PTPRD: variants seen among roughly 807,000 people sequenced by gnomAD.
The protein encoded by PTPRD is protein tyrosine phosphatase receptor type D.
A neutral mutation model predicts 214.5 loss-of-function variants in PTPRD; 34 were observed. The ratio of observed to expected loss-of-function variants is 0.16; its 90% CI spans 0.12 to 0.21. The LOEUF (loss-of-function observed/expected upper bound fraction) is 0.21, where lower values mean the gene tolerates loss of function less well. Among genes scored for constraint, PTPRD ranks in the 10% least tolerant of loss-of-function variants. The pLI, the probability that PTPRD is intolerant of heterozygous loss-of-function variation, is 1.00. For missense variants in PTPRD, 2,545 were observed against 2,398.7 expected (o/e 1.06, Z -1.27); for synonymous variants, 1,128 against 845.7 (o/e 1.33, Z -5.79).
At chr9:9,166,574 A>C (rs866768121) in intron 10 of PTPRD, among the ~76,000 whole-genome samples, 11 of 152,162 alleles carry the variant, frequency 7.2e-5, no homozygotes, top group South Asian at 2.1e-4. Flanking sequence ...AGATGCCATT[A>C]ACATTCTCTA....
At chr9:8,624,190 G>A (rs934057086) in intron 14 of PTPRD, among the ~76,000 whole-genome samples, 35 of 151,870 alleles carry the variant, frequency 2.3e-4, no homozygotes, top group Admixed American at 1.6e-3. Context: ...GTGTGTTAAC[G>A]TAACAATAAG....
At chr9:8,753,029 T>C (rs577777980) in intron 11 of PTPRD, among the ~76,000 whole-genome samples, 49 of 152,344 alleles carry the variant, frequency 3.2e-4, no homozygotes, top group African/African-American at 1.1e-3. Context: ...CTCAGGTAGG[T>C]AACTTGGCTT....
At chr9:10,381,176 T>TAATC (rs1565666644) in intron 2 of PTPRD, among the ~76,000 whole-genome samples, 9 of 151,970 alleles carry the variant, frequency 5.9e-5, no homozygotes, top group African/African-American at 1.9e-4. Context: ...CATGGACGAT[T>TAATC]ACTCACTATC....
intron 9 of PTPRD, among the ~76,000 whole-genome samples, chr9:9,208,242 C>T (rs1460205788): frequency 6.6e-6 from 1 of 151,590 alleles, no homozygotes; most frequent in African/African-American, 2.4e-5. Flanking sequence ...TCTCGATCTC[C>T]TGACCTTCTG....
intron 11 of PTPRD, among the ~76,000 whole-genome samples, chr9:8,767,284 AT>A (rs2094830198): frequency 6.6e-6 from 1 of 151,878 alleles, no homozygotes; most frequent in African/African-American, 2.4e-5. Context: ...CAACCAGCTA[AT>A]TTTTGTATTT....
At chr9:10,105,398 T>C (rs1591315710) in intron 3 of PTPRD, among the ~76,000 whole-genome samples, 1 of 151,904 alleles carries the variant, frequency 6.6e-6, no homozygotes, top group Non-Finnish European at 1.5e-5. Context: ...GTAGAAAAGC[T>C]ACATTTAGAG....
intron 10 of PTPRD, among the ~76,000 whole-genome samples, chr9:9,057,488 CACTATGACAAAAATGAAG>C (rs1200638405): frequency 1.3e-5 from 2 of 151,944 alleles, no homozygotes; most frequent in African/African-American, 2.4e-5. Flanking sequence ...ATTTAGATTC[CACTATGACAAAAATGAAG>C]CCTGAAATTT....
At chr9:10,214,038 A>G (rs2099529301) in intron 3 of PTPRD, among the ~76,000 whole-genome samples, 1 of 152,084 alleles carries the variant, frequency 6.6e-6, no homozygotes, top group African/African-American at 2.4e-5. Context: ...TATCTTCATC[A>G]AATCCTTCAA....
intron 9 of PTPRD, among the ~76,000 whole-genome samples, chr9:9,372,441 T>C (rs562229551): frequency 0.032 from 4,893 of 151,904 alleles, 116 homozygotes; most frequent in Non-Finnish European, 0.05. Flanking sequence ...GCAACCCCTG[T>C]CTTTTTTTGT....
At chr9:9,444,773 C>T (rs1299371667) in intron 8 of PTPRD, among the ~76,000 whole-genome samples, 3 of 152,052 alleles carry the variant, frequency 2.0e-5, no homozygotes, top group African/African-American at 7.2e-5. Flanking sequence ...ATTCTAGTAA[C>T]TTTTATATTT....
chr9:9,610,188 C>T (rs984101650), intron 7 of PTPRD, among the ~76,000 whole-genome samples: 5 of 152,138 alleles, frequency 3.3e-5, no homozygotes, highest in Middle Eastern at 3.4e-3. Context: ...CGTATTTCAA[C>T]GTAATAAGAG....
At chr9:9,576,090 T>C (rs1486707164) in intron 7 of PTPRD, among the ~76,000 whole-genome samples, 1 of 152,162 alleles carries the variant, frequency 6.6e-6, no homozygotes, top group Non-Finnish European at 1.5e-5. Context: ...TTGAGTCTTT[T>C]ATGTCAATTC....
At chr9:8,485,399 A>G in intron 28 of PTPRD, 75 bp from the exon 29 acceptor site, 1 of 996,764 alleles carries the variant, frequency 1.0e-6, no homozygotes. Flanking sequence ...CATGGACCAT[A>G]GGGGCTTATG....
At chr9:8,548,367 G>A (rs1365153447) in intron 14 of PTPRD, among the ~76,000 whole-genome samples, 2 of 151,818 alleles carry the variant, frequency 1.3e-5, no homozygotes, top group African/African-American at 4.8e-5. Flanking sequence ...GCATGCAGCT[G>A]GAATTTTGTT....
At chr9:10,356,046 G>C (rs1285424821) in intron 2 of PTPRD, among the ~76,000 whole-genome samples, 1 of 151,432 alleles carries the variant, frequency 6.6e-6, no homozygotes, top group Non-Finnish European at 1.5e-5. Context: ...CAAATTTTTA[G>C]TTCATTTGAT....
intron 3 of PTPRD, among the ~76,000 whole-genome samples, chr9:10,263,852 G>A (rs573705990): frequency 2.6e-4 from 39 of 152,070 alleles, no homozygotes; most frequent in Non-Finnish European, 4.9e-4. Flanking sequence ...GGAGGCATAG[G>A]AGGAAAAATG....
intron 9 of PTPRD, among the ~76,000 whole-genome samples, chr9:9,347,122 T>C (rs909625434): frequency 1.3e-5 from 2 of 152,106 alleles, no homozygotes; most frequent in Non-Finnish European, 2.9e-5. Context: ...AGCTGTGGTC[T>C]TACTACAATG....
chr9:8,726,918 C>T (rs957392517), intron 12 of PTPRD, among the ~76,000 whole-genome samples: 4 of 151,306 alleles, frequency 2.6e-5, no homozygotes, highest in South Asian at 2.1e-4. Flanking sequence ...TTGCAGTGAG[C>T]GGAGACTGTG....
intron 11 of PTPRD, among the ~76,000 whole-genome samples, chr9:8,826,338 T>A (rs181829533): frequency 2.2e-4 from 33 of 152,294 alleles, no homozygotes; most frequent in African/African-American, 7.5e-4. Context: ...CCCCTCAGCC[T>A]ACAATCCCTC....
Sources: allele counts gnomAD v4.1 joint callset (sites outside exome capture counted in the v4.1 genomes callset), GRCh38; gene constraint gnomAD v4.1.1; transcripts MANE v1.5; gene names NCBI Gene and HGNC (gene_info 2026-07-23, HGNC 2026-07-21).